The following ITPKA variants were observed in gnomAD, a reference collection of about 807,000 sequenced individuals.
ITPKA encodes inositol-trisphosphate 3-kinase A.
Under a neutral mutation model 40.7 loss-of-function variants are expected in ITPKA, and 16 were observed. The ratio of observed to expected loss-of-function variants is 0.39; its 90% CI spans 0.27 to 0.60. The LOEUF (loss-of-function observed/expected upper bound fraction) is 0.60, where lower values mean the gene tolerates loss of function less well. Among genes scored for constraint, ITPKA ranks in the 20% least tolerant of loss-of-function variants. The pLI is 0.50. For missense variants in ITPKA, 540 were observed against 649.3 expected, an observed-to-expected ratio of 0.83 and a Z score of 1.83; for synonymous variants, 313 against 289.9, an observed-to-expected ratio of 1.08 and a Z score of -0.81.
At position 41,503,238 on chromosome 15, in the gene ITPKA, C is replaced by T. The variant is rs1419827874; in HGVS notation, c.*72C>T. 15 of 1,161,732 alleles carry T rather than the reference C, an allele frequency of 1.3e-5. No homozygotes were observed. Among genetic ancestry groups the T allele is most frequent in the Admixed American group, 7.4e-5 (3 of 40,436 alleles). The allele number at this position is 1,161,732 out of a possible 1,614,324, so 72.0% of individuals were successfully genotyped here. A position where few individuals can be genotyped will look rare whatever the true frequency, so the allele number is the denominator to read the frequency against. ...GCAGCTTTGTCCCCACTGTGCATGC[C>T]GGCTTGAGACTGGAGCCCCGCGGTG... On this transcript the variant is annotated 3_prime_UTR_variant, in exon 7 of 7. Transcript: ENST00000260386.
chr15:41,502,924 T>C, intron 6 of ITPKA, 39 bp from the exon 7 acceptor site: 1 of 1,601,558 alleles, frequency 6.2e-7, no homozygotes, highest in African/African-American at 1.3e-5. Flanking sequence ...CAAGGGCGTC[T>C]CTGGGCAGGG....
rs779330883 is a variant in ITPKA at position 41,502,936 on chromosome 15, C to G, written c.1183-27C>G. On this transcript the variant is annotated intron_variant, in intron 6 of 6. Transcript: ENST00000260386. ...CGGCAAGGGCGTCTCTGGGCAGGGC[C>G]GCGGCCTGACGGTGCGGGGCTCGCA... The G allele has an allele frequency of 1.3e-5, 21 of 1,596,752 alleles. No individual in the cohort carries two copies. In the Admixed American group the frequency reaches 1.5e-4, roughly 12 times the overall value.
At chr15:41,501,582 G>A (rs757365272) in intron 2 of ITPKA, 23 bp downstream of exon 2, 1 of 481,678 alleles carries the variant, frequency 2.1e-6, no homozygotes, top group Non-Finnish European at 4.2e-6. Context: ...GCGGGTGGGC[G>A]GGTGCCCGCG....
rs905112624 is a variant in ITPKA at position 41,502,072 on chromosome 15, G to T, written c.879G>T (p.Leu293=). The change falls in exon 4 of 7, where the codon CTG becomes CTT. Residue 293 remains leucine, a synonymous_variant. Transcript: ENST00000260386. ...GGAAGGACATGTACAAGAAAATGCT[G>T]GCGGTGGATCCTGAAGCTCCCACGG... ...KLRKDMYKKM[L]AVDPEAPTEE... 6.2e-7 allele frequency: 1 copy of T among 1,613,238 alleles called. No homozygotes were observed. The highest frequency in any genetic ancestry group is 1.3e-5 in the African/African-American group (1 of 75,066).
rs770314000 is a variant in ITPKA at position 41,501,896 on chromosome 15, C to T, written c.803+45C>T. 4.4e-6 allele frequency: 7 copies of T among 1,598,140 alleles called. No homozygotes were observed. The South Asian group carries it at 5.5e-5, about 13-fold the overall frequency. Reference sequence around the variant, plus strand: ...TCGGTTGGGGGGATCAAGTAGGGGTCCGGGGCCGGGACAGCTGCTTGAGGG... The same window carrying T: ...TCGGTTGGGGGGATCAAGTAGGGGTTCGGGGCCGGGACAGCTGCTTGAGGG... On this transcript the variant is annotated intron_variant, in intron 3 of 6. Transcript: ENST00000260386.
chr15:41,500,366 G>T (rs995134678), intron 1 of ITPKA, among the ~76,000 whole-genome samples: 3 of 152,216 alleles, frequency 2.0e-5, no homozygotes, highest in African/African-American at 7.2e-5. Context: ...AGCAAGAGAG[G>T]CTTGGAGAGC....
intron 1 of ITPKA, among the ~76,000 whole-genome samples, chr15:41,497,385 C>T (rs1034671501): frequency 6.6e-6 from 1 of 152,196 alleles, no homozygotes; most frequent in Non-Finnish European, 1.5e-5. Context: ...CCTACCACCA[C>T]ACCGGCTAAG....
At chr15:41,500,555 G>C (rs2051102368) in intron 1 of ITPKA, among the ~76,000 whole-genome samples, 1 of 152,204 alleles carries the variant, frequency 6.6e-6, no homozygotes, top group South Asian at 2.1e-4. Flanking sequence ...ACCATGGAAT[G>C]GGATGGGGGA....
At position 41,503,261 on chromosome 15, in the gene ITPKA, GTGCAGGGCAGTTCACCGGGTCC is replaced by G. The variant is rs1214492269; in HGVS notation, c.*102_*123del. The G allele has an allele frequency of 1.1e-6, 1 of 906,450 alleles. No homozygotes were observed. The highest frequency in any genetic ancestry group is 1.7e-5 in the African/African-American group (1 of 59,634). 56.2% of individuals were successfully genotyped at this position (906,450 alleles called of 1,614,324 possible). On this transcript the variant is annotated 3_prime_UTR_variant, in exon 7 of 7. Transcript: ENST00000260386. The stretch of plus-strand genomic sequence containing the variant: ...GCCGGCTTGAGACTGGAGCCCCGCG[GTGCAGGGCAGTTCACCGGGTCC>G]TGCAGGACCAGGTGCCAGCCACTAA...
At chr15:41,501,337 T>G (rs1050594088) in intron 1 of ITPKA, 126 bp from the exon 2 acceptor site, 176 of 1,480,362 alleles carry the variant, frequency 1.2e-4, no homozygotes, top group Non-Finnish European at 1.2e-4. Flanking sequence ...ATGAATGAAT[T>G]AATGACTCAT....
intron 1 of ITPKA, among the ~76,000 whole-genome samples, chr15:41,496,642 C>T (rs974093480): frequency 4.6e-5 from 7 of 152,182 alleles, no homozygotes; most frequent in African/African-American, 1.7e-4. Context: ...ATCTGGTTTT[C>T]TTCTTTCTGT....
chr15:41,499,415 C>T (rs981132758), intron 1 of ITPKA, among the ~76,000 whole-genome samples: 6 of 152,164 alleles, frequency 3.9e-5, no homozygotes, highest in African/African-American at 1.2e-4. Context: ...GTTCGTGTTA[C>T]GGCAGCAGCT....
At chr15:41,497,046 A>G (rs1057314469) in intron 1 of ITPKA, among the ~76,000 whole-genome samples, 2 of 152,210 alleles carry the variant, frequency 1.3e-5, no homozygotes, top group African/African-American at 2.4e-5. Context: ...TGGCATGAGC[A>G]GGTGTCTTCA....
Position 41,503,517 on chromosome 15 carries a change from C to T in ITPKA, c.*351C>T, listed in dbSNP as rs1039650786. ...TCCGGTCTAACGTCTCACACCACGA[C>T]GGACTCCCCTTCCTAATAAAACTCA... On this transcript the variant is annotated 3_prime_UTR_variant, in exon 7 of 7. Coordinates refer to ENST00000260386, the MANE Select transcript of ITPKA (RefSeq NM_002220.3). The T allele has an allele frequency of 3.4e-6, 2 of 595,820 alleles. No individual in the cohort carries two copies. The highest frequency in any genetic ancestry group is 4.0e-5 in the East Asian group (1 of 24,756). The allele number at this position is 595,820 out of a possible 1,614,324, so 36.9% of individuals were successfully genotyped here. A position where few individuals can be genotyped will look rare whatever the true frequency, so the allele number is the denominator to read the frequency against.
Position 41,494,462 on chromosome 15 carries a change from C to T in ITPKA, c.489+46C>T, listed in dbSNP as rs776662535. On this transcript the variant is annotated intron_variant, in intron 1 of 6. Transcript: ENST00000260386. This position sits in a 1 kb window ranked among gnomAD's most constrained non-coding sequence, Gnocchi z 7.8. ...GCCAGCGCCGGGCGCGGGGGCTGCA[C>T]GGGGGACCTGGCTGGGTGCTCCCGG... 7.7e-7 allele frequency: 1 copy of T among 1,295,994 alleles called. No homozygotes were observed. Among genetic ancestry groups the T allele is most frequent in the East Asian group, 3.1e-5 (1 of 32,582 alleles). The allele number at this position is 1,295,994 out of a possible 1,614,324, so 80.3% of individuals were successfully genotyped here. A position where few individuals can be genotyped will look rare whatever the true frequency, so the allele number is the denominator to read the frequency against.
rs1595452034 is a variant in ITPKA, at chr15:41,503,437, C to A, written c.*271C>A. 2.0e-5 allele frequency: 12 copies of A among 611,034 alleles called. No individual in the cohort carries two copies. Among genetic ancestry groups the A allele is most frequent in the South Asian group, 3.3e-5 (2 of 60,138 alleles). 37.9% of individuals were successfully genotyped at this position (611,034 alleles called of 1,614,324 possible). On this transcript the variant is annotated 3_prime_UTR_variant, in exon 7 of 7. Coordinates refer to ENST00000260386, the MANE Select transcript of ITPKA (RefSeq NM_002220.3). ...CCTCAGGCCAGCTCTTCTGAGGAGG[C>A]TCTGCCCTCTCCAGAGGTGCCAGAC...
At chr15:41,495,493 A>G (rs962071159) in intron 1 of ITPKA, among the ~76,000 whole-genome samples, 1 of 152,216 alleles carries the variant, frequency 6.6e-6, no homozygotes, top group Non-Finnish European at 1.5e-5. Flanking sequence ...AGGGGTTCAC[A>G]AGCCCGGAGG....
At chr15:41,498,330 AT>A (rs2051088385) in intron 1 of ITPKA, among the ~76,000 whole-genome samples, 1 of 145,894 alleles carries the variant, frequency 6.9e-6, no homozygotes, top group Non-Finnish European at 1.5e-5. Context: ...AAAAAAAAGT[AT>A]TTTGTAACCT....
At chr15:41,497,911 G>A (rs2051085602) in intron 1 of ITPKA, among the ~76,000 whole-genome samples, 1 of 152,018 alleles carries the variant, frequency 6.6e-6, no homozygotes, top group Non-Finnish European at 1.5e-5. Flanking sequence ...CAGCACTTTA[G>A]GAGGCCATGG....
Sources: gnomAD v4.1 joint callset for allele counts (sites outside exome capture counted in the v4.1 genomes callset) on GRCh38, gnomAD v4.1.1 for gene constraint, Gnocchi (gnomAD v3.1) non-coding constraint, MANE v1.5 for transcripts, NCBI Gene and HGNC (gene_info 2026-07-23, HGNC 2026-07-21) for gene names.